Variants in STK32B observed in about 807,000 individuals in gnomAD.
STK32B encodes serine/threonine kinase 32B.
Under a neutral mutation model 52.6 loss-of-function variants are expected in STK32B, and 43 were observed. The ratio of observed to expected loss-of-function variants is 0.82; its 90% confidence interval spans 0.64 to 1.05. STK32B has a LOEUF of 1.05. Among genes scored for constraint, STK32B ranks in the 50% least tolerant of loss-of-function variants. The probability of loss-of-function intolerance (pLI) is 0.00; values close to 1 mark genes in which losing one functional copy is unlikely to be tolerated. For synonymous variants in STK32B, 238 were observed against 204.3 expected (o/e 1.17, Z -1.41); for missense variants, 621 against 534.6 (o/e 1.16, Z -1.59).
chr4:5,174,490 A>T (rs1719664300), intron 3 of STK32B, among the ~76,000 whole-genome samples: 1 of 152,162 alleles, frequency 6.6e-6, no homozygotes, highest in Admixed American at 6.5e-5. Flanking sequence ...CTTTTAGGGC[A>T]GGCCTGGTGG....
At chr4:5,303,187 G>T (rs1729684101) in intron 3 of STK32B, among the ~76,000 whole-genome samples, 1 of 152,016 alleles carries the variant, frequency 6.6e-6, no homozygotes, top group African/African-American at 2.4e-5. Flanking sequence ...TTTCCTCAGG[G>T]TAGATACCCA....
chr4:5,215,273 A>G (rs111677535), intron 3 of STK32B, among the ~76,000 whole-genome samples: 5,685 of 152,340 alleles, frequency 0.037, 213 homozygotes, highest in African/African-American at 0.098. Flanking sequence ...GTGAACTGCA[A>G]TTCTCAACAG....
At chr4:5,019,407 G>A in the STK32B span, 5 of 1,491,004 alleles carry the variant, frequency 3.4e-6, no homozygotes, top group Non-Finnish European at 3.5e-6. Flanking sequence ...CTCCCGCCAG[G>A]AGCAGCAGCA....
At chr4:5,201,890 T>C (rs993791274) in intron 3 of STK32B, among the ~76,000 whole-genome samples, 2 of 152,186 alleles carry the variant, frequency 1.3e-5, no homozygotes, top group Admixed American at 1.3e-4. Flanking sequence ...TGAGATGATA[T>C]TTGGGTGGGG....
intron 3 of STK32B, among the ~76,000 whole-genome samples, chr4:5,181,954 A>T (rs1720399137): frequency 1.3e-5 from 2 of 152,326 alleles, no homozygotes; most frequent in South Asian, 4.1e-4. Flanking sequence ...CTGTGGTAGA[A>T]CTTCTTTCAG....
chr4:5,434,522 T>C (rs1713876668), intron 6 of STK32B, among the ~76,000 whole-genome samples: 1 of 151,730 alleles, frequency 6.6e-6, no homozygotes, highest in East Asian at 1.9e-4. Context: ...TGCTGGAAAA[T>C]GTATGGCCTT....
intron 8 of STK32B, among the ~76,000 whole-genome samples, chr4:5,459,149 A>G (rs1422486477): frequency 6.6e-6 from 1 of 152,088 alleles, no homozygotes; most frequent in Non-Finnish European, 1.5e-5. Context: ...AGCAGATGCA[A>G]CCCCTGCTAG....
chr4:5,063,350 T>A (rs1200818363), intron 1 of STK32B, among the ~76,000 whole-genome samples: 1 of 151,944 alleles, frequency 6.6e-6, no homozygotes, highest in Non-Finnish European at 1.5e-5. Flanking sequence ...TTATCTTTCT[T>A]TTTTTTTGTC....
chr4:5,325,975 C>G (rs1023998518), intron 3 of STK32B, among the ~76,000 whole-genome samples: 1 of 152,148 alleles, frequency 6.6e-6, no homozygotes, highest in African/African-American at 2.4e-5. Flanking sequence ...GGTCTGTGGC[C>G]TGGTGAAGAA....
rs1318420913 is a variant in STK32B at position 5,139,912 on chromosome 4, T to C, written c.60T>C (p.Phe20=). 1 of 1,614,198 alleles carries C rather than the reference T, an allele frequency of 6.2e-7. No individual in the cohort carries two copies. Among genetic ancestry groups the C allele is most frequent in the Non-Finnish European group, 8.5e-7 (1 of 1,180,020 alleles). Reference sequence around the variant, plus strand: ...TTTTGTTTTCTTTTGCAGTCAACTTTGACCATTTTCAGATTCTGCGGGCCA... The same window carrying C: ...TTTTGTTTTCTTTTGCAGTCAACTTCGACCATTTTCAGATTCTGCGGGCCA... ...PVFDENEEVN[F]DHFQILRAIG... The change falls in exon 2 of 12, where the codon TTT becomes TTC. Residue 20 remains phenylalanine, a synonymous_variant. Coordinates refer to ENST00000282908, the MANE Select transcript of STK32B (RefSeq NM_018401.3).
At chr4:5,142,257 A>T (rs1004383689) in intron 2 of STK32B, among the ~76,000 whole-genome samples, 1 of 152,092 alleles carries the variant, frequency 6.6e-6, no homozygotes, top group Admixed American at 6.5e-5. Context: ...TCAATGGTCA[A>T]CTCTATTCCT....
intron 2 of STK32B, among the ~76,000 whole-genome samples, chr4:5,141,332 C>G (rs750869753): frequency 1.3e-4 from 20 of 152,208 alleles, no homozygotes; most frequent in Non-Finnish European, 2.5e-4. Flanking sequence ...GGAAGACAGG[C>G]AAGTTCCAGG....
chr4:5,468,969 G>A (rs985817077), intron 11 of STK32B, among the ~76,000 whole-genome samples: 3 of 151,264 alleles, frequency 2.0e-5, no homozygotes, highest in African/African-American at 7.3e-5. Flanking sequence ...AGAATGGTGT[G>A]AACCCGGGAG....
At chr4:5,055,412 T>A (rs1300659929) in intron 1 of STK32B, among the ~76,000 whole-genome samples, 1 of 152,086 alleles carries the variant, frequency 6.6e-6, no homozygotes, top group Non-Finnish European at 1.5e-5. Flanking sequence ...TTGCTTGGAT[T>A]ATTACAGTCA....
intron 3 of STK32B, among the ~76,000 whole-genome samples, chr4:5,182,712 G>A (rs1218541848): frequency 6.6e-6 from 1 of 152,082 alleles, no homozygotes; most frequent in Non-Finnish European, 1.5e-5. Context: ...GCCTGCCTCG[G>A]CCTCTCAAAG....
At chr4:5,167,490 G>A (rs1718971408) in intron 2 of STK32B, among the ~76,000 whole-genome samples, 1 of 152,084 alleles carries the variant, frequency 6.6e-6, no homozygotes, top group African/African-American at 2.4e-5. Flanking sequence ...CTGAGTTTGG[G>A]TTTCCCCAGA....
chr4:5,159,679 A>ATATGAATATATATATGAATG (rs1353919280), intron 2 of STK32B, among the ~76,000 whole-genome samples: 1 of 72,260 alleles, frequency 1.4e-5, no homozygotes, highest in African/African-American at 5.5e-5. Flanking sequence ...ATATGAATAT[A>ATATGAATATATATATGAATG]TATATGAATA....
At chr4:5,152,507 A>C (rs540393594) in intron 2 of STK32B, among the ~76,000 whole-genome samples, 57 of 152,366 alleles carry the variant, frequency 3.7e-4, no homozygotes, top group Admixed American at 2.6e-3. Context: ...GGAGTGAGAC[A>C]GAGAAAGGAA....
rs77613536 is a variant in STK32B, at chr4:5,388,243, C to A, written c.435-9964C>A. On this transcript the variant is annotated intron_variant, in intron 4 of 11. Coordinates refer to ENST00000282908, the MANE Select transcript of STK32B (RefSeq NM_018401.3). ...AAATGGTCATCATCATTTTGGCGTC[C>A]ACTCCTCCATGTTTCTTTCTGCCAC... 7.5e-3 allele frequency among the ~76,000 whole-genome samples: 1,143 copies of A among 152,272 alleles called. 24 individuals are homozygous for A. Among genetic ancestry groups the A allele is most frequent in the East Asian group, 0.073 (378 of 5,174 alleles).
Sources: allele counts gnomAD v4.1 joint callset (sites outside exome capture counted in the v4.1 genomes callset), GRCh38; gene constraint gnomAD v4.1.1; transcripts MANE v1.5; gene names NCBI Gene and HGNC (gene_info 2026-07-23, HGNC 2026-07-21).